STIL: variants seen among roughly 807,000 people sequenced by gnomAD.
STIL encodes the protein STIL centriolar assembly protein, also known as SCL-interrupting locus protein.
In STIL, 55 loss-of-function variants were observed where a neutral mutation model predicts 110.1. That is an observed-to-expected ratio of 0.50 (90% CI 0.40 to 0.63). STIL has a LOEUF of 0.63. STIL is among the 20% of genes least tolerant of loss of function. STIL has a pLI of 0.00. For missense variants in STIL, 1,358 were observed against 1,530.0 expected (o/e 0.89, Z 1.87); for synonymous variants, 481 against 530.0 (o/e 0.91, Z 1.27).
intron 12 of STIL, among the ~76,000 whole-genome samples, chr1:47,274,373 C>T (rs1480993362): frequency 1.3e-5 from 2 of 149,484 alleles, no homozygotes; most frequent in Non-Finnish European, 3.0e-5. Flanking sequence ...GCTCTGTCGC[C>T]CAGGCTGGAG....
At chr1:47,266,583 T>C (rs570702441) in intron 14 of STIL, among the ~76,000 whole-genome samples, 1 of 152,340 alleles carries the variant, frequency 6.6e-6, no homozygotes, top group East Asian at 1.9e-4. Context: ...AGCCTGGTCT[T>C]GAATTTCAAA....
intron 12 of STIL, among the ~76,000 whole-genome samples, chr1:47,279,264 CAG>C: frequency 8.1e-6 from 1 of 123,054 alleles, no homozygotes; most frequent in South Asian, 2.5e-4. Context: ...GCCTGGGCGA[CAG>C]AGAAATACTC....
At chr1:47,259,345 A>C (rs1644418881) in intron 16 of STIL, among the ~76,000 whole-genome samples, 1 of 116,560 alleles carries the variant, frequency 8.6e-6, no homozygotes, top group African/African-American at 3.3e-5. Flanking sequence ...GATAGAGTGC[A>C]GTGGCGCTAT....
chr1:47,259,028 C>CG (rs1644403099), intron 16 of STIL, among the ~76,000 whole-genome samples: 1 of 65,552 alleles, frequency 1.5e-5, no homozygotes, highest in Non-Finnish European at 3.0e-5. Context: ...GCTTTGCTAT[C>CG]CAAGCTGGAG....
chr1:47,261,747 A>G (rs1403556635), intron 15 of STIL, among the ~76,000 whole-genome samples: 1 of 66,090 alleles, frequency 1.5e-5, no homozygotes, highest in Non-Finnish European at 3.1e-5. Context: ...CTCTGTCTCA[A>G]AAAAAAAAAA....
chr1:47,285,758 C>T (rs548773623), intron 10 of STIL, among the ~76,000 whole-genome samples: 15 of 150,580 alleles, frequency 1.0e-4, no homozygotes, highest in Non-Finnish European at 1.2e-4. Flanking sequence ...CGGGCCTGGC[C>T]GAGAATATCT....
At chr1:47,278,479 TATA>T (rs1645053800) in intron 12 of STIL, among the ~76,000 whole-genome samples, 1 of 152,154 alleles carries the variant, frequency 6.6e-6, no homozygotes, top group South Asian at 2.1e-4. Flanking sequence ...GCCTGTGATC[TATA>T]ATATTATATT....
At chr1:47,266,143 T>C (rs1183352185) in intron 14 of STIL, among the ~76,000 whole-genome samples, 1 of 152,192 alleles carries the variant, frequency 6.6e-6, no homozygotes, top group Non-Finnish European at 1.5e-5. Flanking sequence ...AGAGCTTTTC[T>C]GTATACTGTG....
chr1:47,251,029 AACAGTG>A lies in STIL; in HGVS notation c.*101_*106del. Reference sequence around the variant, plus strand: ...TCTTCCCAATTGGCTGCTACCAAGAAACAGTGACTCCAGAATGATCAGGAGCCTTGT... The same window carrying A: ...TCTTCCCAATTGGCTGCTACCAAGAAACTCCAGAATGATCAGGAGCCTTGT... On this transcript the variant is annotated 3_prime_UTR_variant, in exon 17 of 17. Transcript: ENST00000371877. 8.8e-7 allele frequency: 1 copy of A among 1,138,070 alleles called. No individual in the cohort carries two copies. Among genetic ancestry groups the A allele is most frequent in the Non-Finnish European group, 1.2e-6 (1 of 807,796 alleles). 70.5% of individuals were successfully genotyped at this position (1,138,070 alleles called of 1,614,324 possible).
chr1:47,256,072 T>C (rs1487157277), intron 16 of STIL, among the ~76,000 whole-genome samples: 2 of 152,230 alleles, frequency 1.3e-5, no homozygotes, highest in Non-Finnish European at 2.9e-5. Flanking sequence ...TAACACTGTT[T>C]CTATAGAAAA....
Position 47,260,288 on chromosome 1 carries a change from C to T in STIL, c.3080+1G>A, listed in dbSNP as rs1427111605. ...CTTTAAAACAAAATTTTAAAAGTTA[C>T]CTGGCGTGATCCACGTTATGTGCAT... On this transcript the variant is annotated splice_donor_variant, in intron 16 of 16. Transcript: ENST00000371877. LOFTEE classifies it high-confidence loss of function. 1.2e-6 allele frequency: 2 copies of T among 1,611,120 alleles called. No individual in the cohort carries two copies. The highest frequency in any genetic ancestry group is 1.3e-5 in the African/African-American group (1 of 74,822).
chr1:47,300,499 G>A (rs376446776), intron 5 of STIL, among the ~76,000 whole-genome samples: 4 of 150,648 alleles, frequency 2.7e-5, no homozygotes, highest in South Asian at 2.1e-4. Context: ...AAGGAGTCTC[G>A]TTCTTTTTGC....
chr1:47,301,682 T>TCTAG lies in STIL; in HGVS notation c.328_331dup (p.Glu111AlafsTer36). On this transcript the variant is annotated frameshift_variant, in exon 5 of 17. Coordinates refer to ENST00000371877, the MANE Select transcript of STIL (RefSeq NM_001048166.1). LOFTEE classifies it high-confidence loss of function. Reference sequence around the variant, plus strand: ...AGGAAGAGAAGCAGTAGGGGTTATTTCTAGGCATTCAGGTACTTCTCGACC... The same window carrying TCTAG: ...AGGAAGAGAAGCAGTAGGGGTTATTTCTAGCTAGGCATTCAGGTACTTCTCGACC... The TCTAG allele has an allele frequency of 6.2e-7, 1 of 1,614,088 alleles. No individual in the cohort carries two copies. The highest frequency in any genetic ancestry group is 8.5e-7 in the Non-Finnish European group (1 of 1,180,020).
chr1:47,303,218 A>G (rs1570274859), intron 3 of STIL, among the ~76,000 whole-genome samples: 3 of 152,224 alleles, frequency 2.0e-5, no homozygotes, highest in African/African-American at 7.2e-5. Context: ...TTAACTATGC[A>G]TATATACTAT....
In STIL at chr1:47,304,996, C is replaced by T. The variant is rs1481508593; in HGVS notation, c.45G>A (p.Arg15=). 2 of 1,612,516 alleles carry T rather than the reference C, an allele frequency of 1.2e-6. No individual in the cohort carries two copies. The highest frequency in any genetic ancestry group is 2.2e-5 in the South Asian group (2 of 90,916). The change falls in exon 3 of 17, where the codon AGG becomes AGA. Residue 15 remains arginine, a splice_region_variant and synonymous_variant. Coordinates refer to ENST00000371877, the MANE Select transcript of STIL (RefSeq NM_001048166.1). ...AAGGTACCATCCTGCTTGAAGGAAA[C>T]CTTTTGAAAAAACAATGTAAAATTA... The part of the protein sequence containing the change: ...YPFARPQMNT[R]FPSSRMVPFH...
intron 6 of STIL, among the ~76,000 whole-genome samples, chr1:47,298,966 G>C (rs978217286): frequency 1.3e-5 from 2 of 151,180 alleles, no homozygotes; most frequent in Non-Finnish European, 2.9e-5. Flanking sequence ...GGTGAGGCTA[G>C]TCTTGAACTC....
At chr1:47,273,158 T>A (rs141067640) in intron 12 of STIL, among the ~76,000 whole-genome samples, 50 of 152,328 alleles carry the variant, frequency 3.3e-4, no homozygotes, top group African/African-American at 1.2e-3. Context: ...GTAGCAAATC[T>A]GAAAGCTGAG....
At chr1:47,273,519 T>C (rs1370915648) in intron 12 of STIL, among the ~76,000 whole-genome samples, 1 of 152,252 alleles carries the variant, frequency 6.6e-6, no homozygotes, top group Non-Finnish European at 1.5e-5. Context: ...TGTTGCAGCA[T>C]TTACTAATAC....
At chr1:47,290,346 T>C (rs1645445042) in intron 8 of STIL, among the ~76,000 whole-genome samples, 1 of 152,192 alleles carries the variant, frequency 6.6e-6, no homozygotes, top group Non-Finnish European at 1.5e-5. Context: ...ATATCATCAA[T>C]ATGTGTTTCT....
Sources: allele counts gnomAD v4.1 joint callset (sites outside exome capture counted in the v4.1 genomes callset), GRCh38; gene constraint gnomAD v4.1.1; transcripts MANE v1.5; gene names NCBI Gene and HGNC (gene_info 2026-07-23, HGNC 2026-07-21).